NALCN: variants seen among roughly 807,000 people sequenced by gnomAD.
The protein encoded by NALCN is sodium leak channel, non-selective, also known as sodium leak channel NALCN.
Under a neutral mutation model 225.3 loss-of-function variants are expected in NALCN, and 111 were observed. That is an observed-to-expected ratio of 0.49 (90% confidence interval 0.42 to 0.58). The LOEUF is 0.58. Among genes scored for constraint, NALCN ranks in the 20% least tolerant of loss-of-function variants. NALCN has a pLI of 0.00. For synonymous variants in NALCN, 764 were observed against 769.0 expected (o/e 0.99, Z 0.11); for missense variants, 1,378 against 2,202.4 (o/e 0.63, Z 7.49).
chr13:101,185,017 T>C (rs2039390924), intron 14 of NALCN, among the ~76,000 whole-genome samples: 1 of 152,184 alleles, frequency 6.6e-6, no homozygotes, highest in Non-Finnish European at 1.5e-5. Flanking sequence ...TTTTGAAATA[T>C]ACACTAGAAA....
At chr13:101,231,509 A>G (rs1044542901) in intron 12 of NALCN, among the ~76,000 whole-genome samples, 1 of 152,214 alleles carries the variant, frequency 6.6e-6, no homozygotes, top group African/African-American at 2.4e-5. Context: ...CTAAGATGTC[A>G]CCAATTTTGT....
At chr13:101,158,006 C>G (rs936884704) in intron 15 of NALCN, among the ~76,000 whole-genome samples, 3 of 152,258 alleles carry the variant, frequency 2.0e-5, no homozygotes, top group Middle Eastern at 3.4e-3. Context: ...CCACCTCAGC[C>G]TCCCAAAGTG....
At chr13:101,091,333 C>G (rs903543503) in intron 28 of NALCN, among the ~76,000 whole-genome samples, 4 of 152,130 alleles carry the variant, frequency 2.6e-5, no homozygotes, top group Non-Finnish European at 5.9e-5. Flanking sequence ...AGGCAACGCT[C>G]TAGGGAAAAT....
At chr13:101,097,127 C>T (rs1368565041) in intron 27 of NALCN, among the ~76,000 whole-genome samples, 1 of 152,122 alleles carries the variant, frequency 6.6e-6, no homozygotes, top group East Asian at 1.9e-4. Context: ...TCTGGATTAC[C>T]AGCATGATTC....
intron 11 of NALCN, among the ~76,000 whole-genome samples, chr13:101,240,693 C>A (rs921171809): frequency 9.9e-5 from 15 of 152,004 alleles, no homozygotes; most frequent in Non-Finnish European, 1.9e-4. Context: ...GTTTCTTCAG[C>A]GTTCATATAT....
At chr13:101,200,792 T>A (rs1228143453) in intron 13 of NALCN, among the ~76,000 whole-genome samples, 3 of 152,188 alleles carry the variant, frequency 2.0e-5, no homozygotes, top group Non-Finnish European at 2.9e-5. Context: ...GCAAGGGTAT[T>A]TTCCTATGCT....
chr13:101,079,654 T>A (rs2033494259), intron 34 of NALCN, among the ~76,000 whole-genome samples: 1 of 152,202 alleles, frequency 6.6e-6, no homozygotes, highest in Non-Finnish European at 1.5e-5. Flanking sequence ...TCTACTTTTC[T>A]AGGATATAAG....
chr13:101,276,475 T>G (rs2042977604), intron 10 of NALCN, among the ~76,000 whole-genome samples: 1 of 152,196 alleles, frequency 6.6e-6, no homozygotes, highest in East Asian at 1.9e-4. Context: ...GCTCCAAACT[T>G]GTGGTCTTGC....
chr13:101,173,319 T>C (rs2038822618), intron 15 of NALCN, among the ~76,000 whole-genome samples: 1 of 152,202 alleles, frequency 6.6e-6, no homozygotes, highest in African/African-American at 2.4e-5. Context: ...CTCCCCAGTA[T>C]GCATGACTCA....
In NALCN at chr13:101,059,891, G is replaced by A. The variant is rs772380055; in HGVS notation, c.4832C>T (p.Pro1611Leu). ...QQQELSRFLN[P>L]PSIETTQPSE... Reference sequence around the variant, plus strand: ...GGGCTGGGTGGTCTCGATGCTGGGCGGGTTCAGAAACCGGCTCAGCTCTTG... The same window carrying A: ...GGGCTGGGTGGTCTCGATGCTGGGCAGGTTCAGAAACCGGCTCAGCTCTTG... The change falls in exon 42 of 44, where the codon CCG becomes CTG. Residue 1611 changes from proline to leucine, a missense_variant. By Grantham distance (98) the Pro-to-Leu change is moderately conservative. Around this residue, in one of 19 missense-constraint regions of NALCN, gnomAD observed 94 missense variants for 170.3 expected, o/e 0.55. Transcript: ENST00000251127. The A allele has an allele frequency of 5.6e-6, 9 of 1,613,980 alleles. No individual in the cohort carries two copies. Among genetic ancestry groups the A allele is most frequent in the Middle Eastern group, 3.3e-4 (2 of 6,044 alleles).
chr13:101,212,762 A>G (rs1234766199), intron 13 of NALCN, among the ~76,000 whole-genome samples: 1 of 152,094 alleles, frequency 6.6e-6, no homozygotes, highest in Non-Finnish European at 1.5e-5. Context: ...CAGTAAAGGC[A>G]AACACTGGGA....
chr13:101,181,555 GC>G (rs1475589082), intron 14 of NALCN, among the ~76,000 whole-genome samples: 7 of 147,908 alleles, frequency 4.7e-5, no homozygotes, highest in Non-Finnish European at 8.9e-5. Flanking sequence ...ACCAGCCTGG[GC>G]AACCCTGTCT....
chr13:101,229,660 A>G, intron 12 of NALCN, 76 bp from the exon 13 acceptor site: 2 of 1,181,880 alleles, frequency 1.7e-6, no homozygotes, highest in Non-Finnish European at 2.3e-6. Context: ...TATTCATACT[A>G]AAATATTATT....
intron 6 of NALCN, among the ~76,000 whole-genome samples, chr13:101,360,938 A>T (rs1253883481): frequency 1.3e-5 from 2 of 152,180 alleles, no homozygotes; most frequent in African/African-American, 4.8e-5. Flanking sequence ...CTATTTTTTT[A>T]AAAAGCCATG....
chr13:101,333,982 AATG>A (rs10608820), intron 7 of NALCN, among the ~76,000 whole-genome samples: 17,263 of 152,116 alleles, frequency 0.11, 1,550 homozygotes, highest in African/African-American at 0.25. Context: ...ATTTCTGCAG[AATG>A]ATGATTTTCA....
chr13:101,232,515 G>A (rs1300738951), intron 12 of NALCN, among the ~76,000 whole-genome samples: 5 of 149,158 alleles, frequency 3.4e-5, no homozygotes, highest in African/African-American at 9.9e-5. Flanking sequence ...GAGCGATCTC[G>A]GCTCACTGCA....
chr13:101,153,498 C>T (rs776816700), intron 15 of NALCN, among the ~76,000 whole-genome samples: 20 of 152,132 alleles, frequency 1.3e-4, no homozygotes, highest in Admixed American at 2.6e-4. Flanking sequence ...AAAATGAAAA[C>T]GAAAATAGGC....
intron 7 of NALCN, among the ~76,000 whole-genome samples, chr13:101,298,393 C>T (rs1198182383): frequency 3.3e-5 from 5 of 151,060 alleles, no homozygotes; most frequent in South Asian, 2.1e-4. Flanking sequence ...TTGATCTCAA[C>T]GCACTGCAAC....
intron 3 of NALCN, among the ~76,000 whole-genome samples, chr13:101,380,055 C>T (rs1363189456): frequency 3.3e-5 from 5 of 149,296 alleles, no homozygotes; most frequent in African/African-American, 1.2e-4. Flanking sequence ...CAGAACTTTC[C>T]ACTGTATATA....
Sources: gnomAD v4.1 joint callset for allele counts (sites outside exome capture counted in the v4.1 genomes callset) on GRCh38, gnomAD v4.1.1 for gene constraint, gnomAD v4.1.1 regional missense constraint, MANE v1.5 for transcripts, NCBI Gene and HGNC (gene_info 2026-07-23, HGNC 2026-07-21) for gene names.